The following ASIC2 variants were observed in gnomAD, a reference collection of about 807,000 sequenced individuals.
ASIC2 encodes the protein acid-sensing ion channel 2.
In ASIC2, 25 loss-of-function variants were observed where a neutral mutation model predicts 57.3. The ratio of observed to expected loss-of-function variants is 0.44; its 90% CI spans 0.32 to 0.61. The LOEUF (loss-of-function observed/expected upper bound fraction) is 0.61. Ranked by LOEUF, ASIC2 falls within the 20% of genes least tolerant of loss-of-function variation. The pLI is 0.06. For synonymous variants in ASIC2, 319 were observed against 307.5 expected (o/e 1.04, Z -0.39); for missense variants, 641 against 738.1 (o/e 0.87, Z 1.52).
At chr17:33,774,160 G>A (rs941306667) in intron 1 of ASIC2, among the ~76,000 whole-genome samples, 4 of 152,210 alleles carry the variant, frequency 2.6e-5, no homozygotes, top group African/African-American at 9.6e-5. Flanking sequence ...TGCATCAGGA[G>A]TTAGGAAATC....
chr17:33,157,630 T>C (rs926338636), intron 1 of ASIC2, among the ~76,000 whole-genome samples: 1 of 152,190 alleles, frequency 6.6e-6, no homozygotes, highest in African/African-American at 2.4e-5. Flanking sequence ...ACTGAATCTG[T>C]CTTTATGACA....
rs555797020 is a variant in ASIC2 at position 33,725,018 on chromosome 17, C to T, written c.555+430960G>A. 4.6e-5 allele frequency among the ~76,000 whole-genome samples: 7 copies of T among 152,362 alleles called. No individual in the cohort carries two copies. The South Asian group carries it at 1.0e-3, about 23-fold the overall frequency. On this transcript the variant is annotated intron_variant, in intron 1 of 9. Transcript: ENST00000359872. ...GAAGCCACAGCCGAGATCTGAAAGGCAGGTTGGCAGCTTGCACTTGTCGGG... is the reference window on the plus strand; with the variant it reads ...GAAGCCACAGCCGAGATCTGAAAGGTAGGTTGGCAGCTTGCACTTGTCGGG...
intron 1 of ASIC2, among the ~76,000 whole-genome samples, chr17:33,491,246 A>T (rs537148777): frequency 6.6e-5 from 10 of 152,300 alleles, no homozygotes; most frequent in Non-Finnish European, 1.5e-4. Context: ...AGGCCAGAAC[A>T]CACACACAGA....
chr17:33,296,650 C>T (rs978316322), upstream of ASIC2, among the ~76,000 whole-genome samples: 2 of 152,156 alleles, frequency 1.3e-5, no homozygotes, highest in African/African-American at 4.8e-5. Context: ...GCCAGCCTGC[C>T]CTCATTCTGG....
chr17:33,798,227 G>T (rs1184511330), intron 1 of ASIC2, among the ~76,000 whole-genome samples: 2 of 152,100 alleles, frequency 1.3e-5, no homozygotes, highest in African/African-American at 4.8e-5. Flanking sequence ...GGAGGAAGTA[G>T]GAAAGGGAGA....
intron 1 of ASIC2, among the ~76,000 whole-genome samples, chr17:33,639,984 G>GACAAGGATT (rs1906504745): frequency 6.6e-6 from 1 of 152,158 alleles, no homozygotes; most frequent in Non-Finnish European, 1.5e-5. Context: ...CTGTAACAGG[G>GACAAGGATT]ACAAGGATTA....
intron 1 of ASIC2, among the ~76,000 whole-genome samples, chr17:33,723,264 C>T (rs1407226652): frequency 6.6e-6 from 1 of 152,070 alleles, no homozygotes; most frequent in Non-Finnish European, 1.5e-5. Flanking sequence ...TGAAAGAATC[C>T]AAACACATGG....
At chr17:33,344,100 G>T in intron 1 of ASIC2, among the ~76,000 whole-genome samples, 1 of 152,274 alleles carries the variant, frequency 6.6e-6, no homozygotes. Context: ...TTGGGTTAAT[G>T]TCCAACTTCC....
At position 33,934,880 on chromosome 17, in the gene ASIC2, C is replaced by T. The variant is rs116331805; in HGVS notation, c.555+221098G>A. On this transcript the variant is annotated intron_variant, in intron 1 of 9. Transcript: ENST00000359872. ...GCTTTCCAGCTCCTATCAATTCTCA[C>T]AGACCTGTAGTGCCATACTCCCCAC... 3.3e-3 allele frequency among the ~76,000 whole-genome samples: 497 copies of T among 152,326 alleles called. 1 individual carries two copies. Among genetic ancestry groups the T allele is most frequent in the African/African-American group, 0.011 (462 of 41,576 alleles).
At chr17:34,095,659 T>TTATATATATATATATATATATAATTA (rs200777326) in intron 1 of ASIC2, among the ~76,000 whole-genome samples, 7 of 93,100 alleles carry the variant, frequency 7.5e-5, no homozygotes, top group Non-Finnish European at 1.3e-4. Context: ...ATATATAATT[T>TTATATATATATATATATATATAATTA]TATATATATA....
At chr17:33,395,596 C>T (rs1446462331) in intron 1 of ASIC2, among the ~76,000 whole-genome samples, 3 of 152,192 alleles carry the variant, frequency 2.0e-5, no homozygotes, top group Admixed American at 2.0e-4. Context: ...ATCCATCTGT[C>T]CATCCATCTA....
At chr17:33,691,028 C>T (rs568312005) in intron 1 of ASIC2, among the ~76,000 whole-genome samples, 1 of 152,144 alleles carries the variant, frequency 6.6e-6, no homozygotes, top group South Asian at 2.1e-4. Context: ...GGATTACAGG[C>T]GTGAAACACC....
chr17:33,634,017 A>C lies in ASIC2; in HGVS notation c.556-521950T>G, dbSNP rs368945978. On this transcript the variant is annotated intron_variant, in intron 1 of 9. Coordinates refer to the ASIC2 transcript ENST00000359872. ...CCCTCAGGTTCTCTGGGCTCCTACTAGTATTCCCCAAACCTGGTGGGTGCT... is the reference window on the plus strand; with the variant it reads ...CCCTCAGGTTCTCTGGGCTCCTACTCGTATTCCCCAAACCTGGTGGGTGCT... 5.9e-5 allele frequency among the ~76,000 whole-genome samples: 9 copies of C among 152,232 alleles called. 1 individual carries two copies. The highest frequency in any genetic ancestry group is 3.9e-4 in the Admixed American group (6 of 15,300).
At chr17:33,111,043 G>A (rs1051845988) in intron 2 of ASIC2, among the ~76,000 whole-genome samples, 3 of 152,122 alleles carry the variant, frequency 2.0e-5, no homozygotes, top group African/African-American at 7.2e-5. Context: ...AATTCTAGAG[G>A]CTACCATCAC....
intron 1 of ASIC2, among the ~76,000 whole-genome samples, chr17:33,358,407 A>C (rs779586257): frequency 2.6e-5 from 4 of 152,218 alleles, no homozygotes; most frequent in Non-Finnish European, 4.4e-5. Context: ...ATGTGTAGCA[A>C]TGACATCATG....
chr17:33,413,612 G>T, intron 1 of ASIC2, among the ~76,000 whole-genome samples: 1 of 152,146 alleles, frequency 6.6e-6, no homozygotes, highest in Non-Finnish European at 1.5e-5. Context: ...ATCCTGCCAC[G>T]CCCATTCTCC....
chr17:34,129,753 A>G (rs1054566898), intron 1 of ASIC2, among the ~76,000 whole-genome samples: 1 of 152,200 alleles, frequency 6.6e-6, no homozygotes, highest in Non-Finnish European at 1.5e-5. Flanking sequence ...TGGAATACCT[A>G]AAACAGGGCA....
intron 1 of ASIC2, among the ~76,000 whole-genome samples, chr17:33,454,537 T>C (rs1912381604): frequency 6.6e-6 from 1 of 152,232 alleles, no homozygotes; most frequent in South Asian, 2.1e-4. Context: ...TAGGTTATCT[T>C]CTTAACAATT....
At chr17:34,031,649 A>C (rs1024062612) in intron 1 of ASIC2, among the ~76,000 whole-genome samples, 1 of 152,198 alleles carries the variant, frequency 6.6e-6, no homozygotes, top group African/African-American at 2.4e-5. Flanking sequence ...AGAATAACCA[A>C]TGGAGAAAAG....
Sources: gnomAD v4.1 joint callset for allele counts (sites outside exome capture counted in the v4.1 genomes callset) on GRCh38, gnomAD v4.1.1 for gene constraint, MANE v1.5 for transcripts, NCBI Gene and HGNC (gene_info 2026-07-23, HGNC 2026-07-21) for gene names.